C16orf92: variants seen among roughly 807,000 people sequenced by gnomAD.
C16orf92 encodes the protein fertilization-influencing membrane protein 1.
A neutral mutation model predicts 13.7 loss-of-function variants in C16orf92; 14 were observed. That is an observed-to-expected ratio of 1.02 (90% CI 0.67 to 1.60). The LOEUF is 1.60. Among genes scored for constraint, C16orf92 ranks in the 40% most tolerant of loss-of-function variants. The pLI is 0.00. For missense variants in C16orf92, 116 were observed against 139.0 expected, an observed-to-expected ratio of 0.83 and a Z score of 0.83; for synonymous variants, 50 against 57.4, an observed-to-expected ratio of 0.87 and a Z score of 0.58.
chr16:30,023,923 AG>A (rs758305709), intron 2 of C16orf92, 38 bp downstream of exon 2: 2 of 1,594,720 alleles, frequency 1.3e-6, no homozygotes, highest in Non-Finnish European at 1.7e-6. Flanking sequence ...CCTCCCCGCC[AG>A]GGTCTGGAGG....
At chr16:30,027,475 C>T (rs2071199006), downstream of C16orf92, 2 of 432,038 alleles carry the variant, frequency 4.6e-6, no homozygotes, top group Non-Finnish European at 9.4e-6. Context: ...CACTGTCATC[C>T]CCACCATCCC....
At chr16:30,025,513 C>G, downstream of C16orf92, 1 of 1,601,274 alleles carries the variant, frequency 6.2e-7, no homozygotes, top group Non-Finnish European at 8.5e-7. This position sits in a 1 kb window ranked among gnomAD's most constrained non-coding sequence, Gnocchi z 4.1. Context: ...AAGGGCTCGG[C>G]CCCCCTTGGC....
downstream of C16orf92, chr16:30,025,596 C>T: frequency 6.7e-7 from 1 of 1,490,780 alleles, no homozygotes; most frequent in Middle Eastern, 1.7e-4. The surrounding 1 kb of genome is among the most constrained non-coding windows in gnomAD (Gnocchi z 4.1). Context: ...ACACAAGCAC[C>T]AGGTGCTCAA....
At chr16:30,024,855 C>A, downstream of C16orf92, 1 of 282,242 alleles carries the variant, frequency 3.5e-6, no homozygotes, top group Non-Finnish European at 6.5e-6. Context: ...TTGGCAGAGG[C>A]GTCTCCCCAC....
downstream of C16orf92, chr16:30,026,601 G>A: frequency 6.2e-7 from 1 of 1,611,710 alleles, no homozygotes; most frequent in Non-Finnish European, 8.5e-7. Context: ...CAGCTCCCCG[G>A]GACTCACCAC....
At chr16:30,027,589 G>A (rs1387403232), downstream of C16orf92, 10 of 456,104 alleles carry the variant, frequency 2.2e-5, no homozygotes, top group Admixed American at 2.1e-4. Context: ...TGTCTATTTT[G>A]TGTTGTTTTT....
downstream of C16orf92, chr16:30,026,579 A>G (rs749608387): frequency 6.3e-7 from 1 of 1,585,554 alleles, no homozygotes; most frequent in East Asian, 2.3e-5. Flanking sequence ...GGCCACCCGC[A>G]CCCCGCCCGC....
At chr16:30,026,926 G>A (rs1411019080), downstream of C16orf92, 2 of 1,194,110 alleles carry the variant, frequency 1.7e-6, no homozygotes, top group Non-Finnish European at 2.4e-6. Context: ...GGTCAGCACA[G>A]CAGCCCTGGA....
downstream of C16orf92, among the ~76,000 whole-genome samples, chr16:30,025,991 T>C (rs558607590): frequency 1.3e-5 from 2 of 152,162 alleles, no homozygotes; most frequent in African/African-American, 4.8e-5. The surrounding 1 kb of genome is among the most constrained non-coding windows in gnomAD (Gnocchi z 4.1). Context: ...CCCAGCACTT[T>C]GGGAGGCTGA....
chr16:30,027,456 C>T (rs950644692), downstream of C16orf92: 3 of 416,176 alleles, frequency 7.2e-6, no homozygotes, highest in African/African-American at 6.1e-5. Flanking sequence ...GGTGTGGCTC[C>T]ACAGCCCTCA....
At chr16:30,025,759 C>T (rs1334331140), downstream of C16orf92, 5 of 1,614,140 alleles carry the variant, frequency 3.1e-6, no homozygotes, top group Admixed American at 1.7e-5. The surrounding 1 kb of genome is among the most constrained non-coding windows in gnomAD (Gnocchi z 4.1). Context: ...AGACGAAGGG[C>T]GTGCTGACCT....
chr16:30,023,669 CGA>C (rs1567291269), intron 1 of C16orf92, 56 bp from the exon 2 acceptor site: 8 of 1,613,786 alleles, frequency 5.0e-6, no homozygotes, highest in South Asian at 1.1e-5. Context: ...GCTTCCGCCT[CGA>C]GAGATAAAGG....
At chr16:30,025,163 G>A, downstream of C16orf92, 1 of 1,407,362 alleles carries the variant, frequency 7.1e-7, no homozygotes, top group South Asian at 1.5e-5. The surrounding 1 kb of genome is among the most constrained non-coding windows in gnomAD (Gnocchi z 4.1). Context: ...TGGGGAGGGG[G>A]AGGGTCCCGG....
rs534865604 is a variant in C16orf92 at position 30,023,523 on chromosome 16, C to T, written c.64+119C>T. 1.8e-4 allele frequency: 244 copies of T among 1,378,240 alleles called. 5 individuals are homozygous for T. In the South Asian group the frequency reaches 2.9e-3, roughly 16 times the overall value. 85.4% of individuals were successfully genotyped at this position (1,378,240 alleles called of 1,614,324 possible). A position where few individuals can be genotyped will look rare whatever the true frequency, so the allele number is the denominator to read the frequency against. ...CCTCTCATTTTCTCTCCACTCTTCT[C>T]TCCCATCCTGCTGGTCCCACCTACC... On this transcript the variant is annotated intron_variant, in intron 1 of 3. Transcript: ENST00000681219.
Position 30,024,563 on chromosome 16 carries a change from G to A in C16orf92, c.*336G>A, listed in dbSNP as rs949398970. On this transcript the variant is annotated 3_prime_UTR_variant, in exon 4 of 4. Transcript: ENST00000681219. Reference sequence around the variant, plus strand: ...GGGCCCGAGGGCGCGATGTGCAGCCGATGGTGAGGGACTGGGCGCCCTCGC... The same window carrying A: ...GGGCCCGAGGGCGCGATGTGCAGCCAATGGTGAGGGACTGGGCGCCCTCGC... The A allele has an allele frequency of 1.3e-5, 5 of 378,454 alleles. No homozygotes were observed. Among genetic ancestry groups the A allele is most frequent in the African/African-American group, 6.1e-5 (3 of 48,848 alleles). The allele number at this position is 378,454 out of a possible 1,614,324, so 23.4% of individuals were successfully genotyped here.
chr16:30,027,169 G>A (rs143939300), downstream of C16orf92: 23 of 485,708 alleles, frequency 4.7e-5, no homozygotes, highest in African/African-American at 3.5e-4. Flanking sequence ...GCCCAGGACA[G>A]GCAGGTGGGA....
chr16:30,025,647 C>A, downstream of C16orf92: 1 of 1,515,144 alleles, frequency 6.6e-7, no homozygotes, highest in South Asian at 1.1e-5. The surrounding 1 kb of genome is among the most constrained non-coding windows in gnomAD (Gnocchi z 4.1). Context: ...GGGCTAGAGC[C>A]CTTGGCAGCA....
downstream of C16orf92, chr16:30,025,244 C>G: frequency 6.5e-7 from 1 of 1,533,044 alleles, no homozygotes; most frequent in Non-Finnish European, 8.8e-7. The surrounding 1 kb of genome is among the most constrained non-coding windows in gnomAD (Gnocchi z 4.1). Context: ...GCGGCAGGCC[C>G]CACGGCAGAT....
At chr16:30,026,097 T>C (rs1233102271), downstream of C16orf92, among the ~76,000 whole-genome samples, 1 of 151,946 alleles carries the variant, frequency 6.6e-6, no homozygotes, top group Non-Finnish European at 1.5e-5. Context: ...TAGCCAGGCG[T>C]GTTGGTGGGC....
Sources: allele counts gnomAD v4.1 joint callset (sites outside exome capture counted in the v4.1 genomes callset), GRCh38; gene constraint gnomAD v4.1.1; non-coding constraint Gnocchi (gnomAD v3.1); transcripts MANE v1.5; gene names NCBI Gene and HGNC (gene_info 2026-07-23, HGNC 2026-07-21).